The following TNR variants were observed in gnomAD, a reference collection of about 807,000 sequenced individuals.
The protein encoded by TNR is tenascin-R.
In TNR, 45 loss-of-function variants were observed where a neutral mutation model predicts 150.4. The observed-to-expected ratio is 0.30, with a 90% confidence interval of 0.24 to 0.38. The LOEUF (loss-of-function observed/expected upper bound fraction) is 0.38. Among genes scored for constraint, TNR ranks in the 10% least tolerant of loss-of-function variants. The pLI is 1.00. For synonymous variants in TNR, 687 were observed against 678.4 expected, an observed-to-expected ratio of 1.01 and a Z score of -0.20; for missense variants, 1,544 against 1,759.1, an observed-to-expected ratio of 0.88 and a Z score of 2.19.
At chr1:175,430,192 A>G (rs766991234) in intron 2 of TNR, among the ~76,000 whole-genome samples, 9 of 152,132 alleles carry the variant, frequency 5.9e-5, no homozygotes. Context: ...AACAAATTCT[A>G]TTGCACCAAC....
chr1:175,316,657 T>C lies in TNR; in HGVS notation c.*6700A>G, dbSNP rs925028361. 7 of 151,922 alleles carry C rather than the reference T, an allele frequency of 4.6e-5. No homozygotes were observed. Among genetic ancestry groups the C allele is most frequent in the African/African-American group, 1.7e-4 (7 of 41,364 alleles). 9.4% of individuals were successfully genotyped at this position (151,922 alleles called of 1,614,324 possible). A position where few individuals can be genotyped will look rare whatever the true frequency, so the allele number is the denominator to read the frequency against. ...AAAAAATGACTGGATATCCCACTCTTCTAATGTTGGGATGTTCCCAAAAGA... is the reference window on the plus strand; with the variant it reads ...AAAAAATGACTGGATATCCCACTCTCCTAATGTTGGGATGTTCCCAAAAGA... On this transcript the variant is annotated 3_prime_UTR_variant, in exon 23 of 23. Coordinates refer to ENST00000367674, the MANE Select transcript of TNR (RefSeq NM_003285.3).
In TNR at chr1:175,521,604, G is replaced by T. The variant is rs144248907; in HGVS notation, c.-64+6665C>A. Among the ~76,000 whole-genome samples the T allele has an allele frequency of 2.0e-5, 3 of 152,342 alleles. No individual in the cohort carries two copies. The East Asian group carries it at 5.8e-4, about 29-fold the overall frequency. ...AGCTGCTCTACCATCAACATCCTCA[G>T]AAACCTTTTCTGTTTTCTCTTCTCT... On this transcript the variant is annotated intron_variant, in intron 2 of 22. Coordinates refer to ENST00000367674, the MANE Select transcript of TNR (RefSeq NM_003285.3).
chr1:175,495,590 T>G (rs1285352368), intron 2 of TNR, among the ~76,000 whole-genome samples: 1 of 152,234 alleles, frequency 6.6e-6, no homozygotes, highest in East Asian at 1.9e-4. Context: ...GTACCCCATA[T>G]GGGGATATCT....
At chr1:175,338,886 A>G (rs1202527546) in intron 18 of TNR, among the ~76,000 whole-genome samples, 1 of 152,036 alleles carries the variant, frequency 6.6e-6, no homozygotes, top group African/African-American at 2.4e-5. Context: ...CCCCCTGGAG[A>G]TGTGTTAACT....
chr1:175,516,809 T>C (rs1659424052), intron 2 of TNR, among the ~76,000 whole-genome samples: 1 of 152,166 alleles, frequency 6.6e-6, no homozygotes, highest in Non-Finnish European at 1.5e-5. Context: ...AAAAAATACA[T>C]TTTATTTGTA....
At position 175,316,835 on chromosome 1, in the gene TNR, G is replaced by A. The variant is rs953109163; in HGVS notation, c.*6522C>T. ...ATTCCCCATGATGATGAGATTGAGG[G>A]TCCCCTGGAGTACATGGCAAAAATA... On this transcript the variant is annotated 3_prime_UTR_variant, in exon 23 of 23. Transcript: ENST00000367674. The A allele has an allele frequency of 6.6e-6, 1 of 152,162 alleles. No homozygotes were observed. Among genetic ancestry groups the A allele is most frequent in the Non-Finnish European group, 1.5e-5 (1 of 68,028 alleles). The allele number at this position is 152,162 out of a possible 1,614,324, so 9.4% of individuals were successfully genotyped here. A position where few individuals can be genotyped will look rare whatever the true frequency, so the allele number is the denominator to read the frequency against.
intron 18 of TNR, among the ~76,000 whole-genome samples, chr1:175,348,793 A>C (rs950425306): frequency 1.3e-5 from 2 of 152,248 alleles, no homozygotes; most frequent in Non-Finnish European, 2.9e-5. Flanking sequence ...AAATAAATCT[A>C]GAAAGTTAAT....
At chr1:175,438,072 T>TA (rs898013173) in intron 2 of TNR, among the ~76,000 whole-genome samples, 2 of 151,658 alleles carry the variant, frequency 1.3e-5, no homozygotes, top group Non-Finnish European at 2.9e-5. Context: ...AGAGACACAA[T>TA]AAAAAAAGAG....
intron 1 of TNR, among the ~76,000 whole-genome samples, chr1:175,600,183 G>A (rs1663181800): frequency 2.6e-5 from 4 of 152,134 alleles, no homozygotes; most frequent in Admixed American, 2.6e-4. Flanking sequence ...TTTGTACAAT[G>A]GAGATAATAG....
chr1:175,511,720 A>G (rs533709458), intron 2 of TNR, among the ~76,000 whole-genome samples: 2 of 152,284 alleles, frequency 1.3e-5, no homozygotes, highest in African/African-American at 4.8e-5. Flanking sequence ...TGGAGCCACT[A>G]CTTCTAACTC....
intron 4 of TNR, among the ~76,000 whole-genome samples, chr1:175,401,980 T>C (rs1271885736): frequency 1.3e-5 from 2 of 152,192 alleles, no homozygotes; most frequent in Non-Finnish European, 2.9e-5. Context: ...GGATGAGCTA[T>C]AGTGAAATAA....
chr1:175,345,666 A>G (rs1650743579), intron 18 of TNR, among the ~76,000 whole-genome samples: 2 of 152,114 alleles, frequency 1.3e-5, no homozygotes, highest in Admixed American at 1.3e-4. Context: ...AAGAGGAAGA[A>G]AACATTTAAA....
intron 17 of TNR, 47 bp downstream of exon 17, chr1:175,355,456 G>T (rs1251660574): frequency 8.1e-6 from 13 of 1,600,882 alleles, no homozygotes; most frequent in Non-Finnish European, 1.0e-5. Context: ...TTTCCACATG[G>T]CCTCACTTGG....
intron 2 of TNR, among the ~76,000 whole-genome samples, chr1:175,470,860 A>G (rs1165635327): frequency 6.6e-6 from 1 of 152,118 alleles, no homozygotes; most frequent in Non-Finnish European, 1.5e-5. Context: ...CTGCACCACT[A>G]TTGGCTGAAA....
intron 1 of TNR, among the ~76,000 whole-genome samples, chr1:175,588,162 C>A (rs1368844743): frequency 5.9e-5 from 9 of 152,194 alleles, no homozygotes; most frequent in Admixed American, 5.9e-4. Context: ...TGGAGGAATT[C>A]AATAAGATAT....
At chr1:175,437,190 G>A (rs1356350673) in intron 2 of TNR, among the ~76,000 whole-genome samples, 1 of 152,218 alleles carries the variant, frequency 6.6e-6, no homozygotes, top group African/African-American at 2.4e-5. Context: ...TCAGACCACA[G>A]TGCAATCAAA....
At chr1:175,384,919 C>T (rs863986) in intron 8 of TNR, among the ~76,000 whole-genome samples, 100,586 of 152,088 alleles carry the variant, frequency 0.66, 33,410 homozygotes, top group East Asian at 0.82. Context: ...TTAAACCCAG[C>T]GGAACACAGG....
chr1:175,345,333 C>T (rs1194229360), intron 18 of TNR, among the ~76,000 whole-genome samples: 1 of 152,162 alleles, frequency 6.6e-6, no homozygotes, highest in Non-Finnish European at 1.5e-5. Flanking sequence ...GGGACACGAG[C>T]TCACAGGCCA....
intron 1 of TNR, among the ~76,000 whole-genome samples, chr1:175,737,047 A>G (rs1416856896): frequency 6.6e-6 from 1 of 152,148 alleles, no homozygotes; most frequent in Non-Finnish European, 1.5e-5. Context: ...AAAAAGAAAA[A>G]CAAAAATAAC....
Sources: allele counts gnomAD v4.1 joint callset (sites outside exome capture counted in the v4.1 genomes callset), GRCh38; gene constraint gnomAD v4.1.1; transcripts MANE v1.5; gene names NCBI Gene and HGNC (gene_info 2026-07-23, HGNC 2026-07-21).